Variants in PNPLA7 observed in about 807,000 individuals in gnomAD.
The protein encoded by PNPLA7 is patatin-like phospholipase domain-containing protein 7.
PNPLA7 carries 153 observed loss-of-function variants against 161.7 expected under a neutral mutation model. The observed-to-expected ratio is 0.95, with a 90% CI of 0.83 to 1.08. PNPLA7 has a LOEUF of 1.08. PNPLA7 is among the 50% of genes least tolerant of loss of function. PNPLA7 has a pLI of 0.00. For missense variants in PNPLA7, 1,739 were observed against 1,856.6 expected (o/e 0.94, Z 1.16); for synonymous variants, 809 against 782.1 (o/e 1.03, Z -0.57).
rs1832980640 is a variant in PNPLA7, at chr9:137,495,108, C to T, written c.2052G>A (p.Val684=). The T allele has an allele frequency of 3.7e-6, 6 of 1,607,490 alleles. No homozygotes were observed. The highest frequency in any genetic ancestry group is 3.3e-4 in the Middle Eastern group (2 of 6,082). Residue 684 remains valine (V), a synonymous_variant, in exon 19 of 35, where the codon GTG becomes GTA. Coordinates refer to ENST00000406427, the MANE Select transcript of PNPLA7 (RefSeq NM_001098537.3). The part of the protein sequence containing the change: ...TLTHQARATT[V]HAVRDSELAK... The stretch of plus-strand genomic sequence containing the variant: ...CCAATTCTGAGTCCCGAACGGCATG[C>T]ACCGTGGTCGCCCGGGCCTGGTGGG...
At chr9:137,546,483 G>A (rs530540035) in intron 4 of PNPLA7, among the ~76,000 whole-genome samples, 70 of 152,152 alleles carry the variant, frequency 4.6e-4, no homozygotes, top group Non-Finnish European at 7.9e-4. Flanking sequence ...GAAACCCACC[G>A]ACCCTGTGGG....
intron 20 of PNPLA7, among the ~76,000 whole-genome samples, chr9:137,485,948 G>C (rs986739497): frequency 6.6e-6 from 1 of 152,122 alleles, no homozygotes; most frequent in African/African-American, 2.4e-5. Flanking sequence ...TGGCATCTCT[G>C]CTTCCACAGA....
rs1299327607 is a variant in PNPLA7 at position 137,547,192 on chromosome 9, G to A, written c.193+117C>T. The A allele has an allele frequency of 1.9e-6, 2 of 1,053,846 alleles. No homozygotes were observed. The highest frequency in any genetic ancestry group is 2.9e-6 in the Non-Finnish European group (2 of 691,504). 65.3% of individuals were successfully genotyped at this position (1,053,846 alleles called of 1,614,324 possible). On this transcript the variant is annotated intron_variant, in intron 3 of 34. Coordinates refer to ENST00000406427, the MANE Select transcript of PNPLA7 (RefSeq NM_001098537.3). This position sits in a 1 kb window ranked among gnomAD's most constrained non-coding sequence, Gnocchi z 4.6. ...CAGCCTGAGCCCAGACGGGCCATCAGATTCTAGCCAAAGCCACCATGCGCT... is the reference window on the plus strand; with the variant it reads ...CAGCCTGAGCCCAGACGGGCCATCAAATTCTAGCCAAAGCCACCATGCGCT...
chr9:137,472,652 A>G (rs1485391240), intron 25 of PNPLA7, among the ~76,000 whole-genome samples: 1 of 139,914 alleles, frequency 7.1e-6, no homozygotes, highest in Non-Finnish European at 1.5e-5. Context: ...CTCCATCTCA[A>G]AAAAAAAAAA....
Position 137,524,547 on chromosome 9 carries a change from G to T in PNPLA7, c.748-1690C>A, listed in dbSNP as rs1204937905. On this transcript the variant is annotated intron_variant, in intron 8 of 34. Transcript: ENST00000406427. This position sits in a 1 kb window ranked among gnomAD's most constrained non-coding sequence, Gnocchi z 4.4. ...AATATGCATCTCCCAGTGTTTGCGT[G>T]GACACAGTTCTCATCCCTCTTGCTA... Among the ~76,000 whole-genome samples, 1 of 152,252 alleles carries T rather than the reference G, an allele frequency of 6.6e-6. No individual in the cohort carries two copies. Among genetic ancestry groups the T allele is most frequent in the African/African-American group, 2.4e-5 (1 of 41,470 alleles).
intron 1 of PNPLA7, among the ~76,000 whole-genome samples, chr9:137,548,680 A>G (rs986509728): frequency 1.3e-5 from 2 of 152,192 alleles, no homozygotes; most frequent in African/African-American, 2.4e-5. Flanking sequence ...CCCGGGAGGC[A>G]GAGCTTGCAG....
At position 137,491,427 on chromosome 9, in the gene PNPLA7, T is replaced by C. The variant is rs12343234; in HGVS notation, c.2197+1586A>G. Reference sequence around the variant, plus strand: ...ATTGTCAGAAGGGATGAGGAACACATGATCCAACCGGACACCTTCTACAAG... The same window carrying C: ...ATTGTCAGAAGGGATGAGGAACACACGATCCAACCGGACACCTTCTACAAG... On this transcript the variant is annotated intron_variant, in intron 20 of 34. Coordinates refer to ENST00000406427, the MANE Select transcript of PNPLA7 (RefSeq NM_001098537.3). The C allele has an allele frequency of 2.1e-3, 1,989 of 945,562 alleles. 37 individuals are homozygous for C. In the African/African-American group the frequency reaches 0.033, roughly 16 times the overall value. The allele number at this position is 945,562 out of a possible 1,614,324, so 58.6% of individuals were successfully genotyped here. A position where few individuals can be genotyped will look rare whatever the true frequency, so the allele number is the denominator to read the frequency against.
rs1476969059 is a variant in PNPLA7 at position 137,523,388 on chromosome 9, C to T, written c.748-531G>A. Among the ~76,000 whole-genome samples the T allele has an allele frequency of 6.6e-6, 1 of 152,176 alleles. No homozygotes were observed. Among genetic ancestry groups the T allele is most frequent in the East Asian group, 1.9e-4 (1 of 5,186 alleles). On this transcript the variant is annotated intron_variant, in intron 8 of 34. Transcript: ENST00000406427. The surrounding 1 kb of genome is among the most constrained non-coding windows in gnomAD (Gnocchi z 4.4). ...GTCGCACGAGGCCCAGGTGAGGAGC[C>T]ACAGTGGCTCACCGCGTGGATGTGG...
At position 137,511,179 on chromosome 9, in the gene PNPLA7, C is replaced by T. The variant is rs369687799; in HGVS notation, c.1225+4200G>A. ...GACCTTGGTCTGGCGGTAGCACCAG[C>T]GCCTGGGAAGGCACCCGTTACTTAG... On this transcript the variant is annotated intron_variant, in intron 12 of 34. Transcript: ENST00000406427. 6.2e-4 allele frequency among the ~76,000 whole-genome samples: 81 copies of T among 130,438 alleles called. 2 individuals carry two copies. The highest frequency in any genetic ancestry group is 5.7e-3 in the Admixed American group (75 of 13,090). The allele number at this position is 130,438 out of a possible 152,430, so 85.6% of individuals were successfully genotyped here.
Position 137,499,375 on chromosome 9 carries a change from C to T in PNPLA7, c.1758-1130G>A, listed in dbSNP as rs768297415. Among the ~76,000 whole-genome samples, 10 of 152,070 alleles carry T rather than the reference C, an allele frequency of 6.6e-5. No individual in the cohort carries two copies. Among genetic ancestry groups the T allele is most frequent in the South Asian group, 2.1e-4 (1 of 4,824 alleles). ...CAGACACACAGATAGACACACAGCA[C>T]GGGGGGACTGAGCTGCATTAAGGCT... is the stretch of plus-strand genomic sequence containing the variant. On this transcript the variant is annotated intron_variant, in intron 16 of 34. Transcript: ENST00000406427. This position sits in a 1 kb window ranked among gnomAD's most constrained non-coding sequence, Gnocchi z 5.5.
chr9:137,483,208 C>T (rs574025262), intron 21 of PNPLA7, among the ~76,000 whole-genome samples: 3 of 152,124 alleles, frequency 2.0e-5, no homozygotes, highest in Admixed American at 6.5e-5. Context: ...ATTTATGTGA[C>T]GTGGGACAGC....
chr9:137,470,479 G>A (rs377309248), intron 25 of PNPLA7, among the ~76,000 whole-genome samples: 1 of 151,964 alleles, frequency 6.6e-6, no homozygotes, highest in Non-Finnish European at 1.5e-5. Context: ...TCCCAGCAGC[G>A]AGCTGTGATC....
rs1008784656 is a variant in PNPLA7 at position 137,543,871 on chromosome 9, T to C, written c.274-56A>G. ...ACCCTGCAAGCCGCAAGGTCCAAGC[T>C]CTTTGCCATGGGGATCAGTCCTCAG... On this transcript the variant is annotated intron_variant, in intron 4 of 34. Coordinates refer to ENST00000406427, the MANE Select transcript of PNPLA7 (RefSeq NM_001098537.3). This position sits in a 1 kb window ranked among gnomAD's most constrained non-coding sequence, Gnocchi z 6.9. The C allele has an allele frequency of 5.5e-5, 81 of 1,465,646 alleles. No individual in the cohort carries two copies. Among genetic ancestry groups the C allele is most frequent in the Non-Finnish European group, 6.7e-5 (70 of 1,046,154 alleles). The allele number at this position is 1,465,646 out of a possible 1,614,324, so 90.8% of individuals were successfully genotyped here.
intron 4 of PNPLA7, among the ~76,000 whole-genome samples, chr9:137,544,706 C>T (rs533492422): frequency 5.3e-5 from 8 of 152,252 alleles, no homozygotes; most frequent in South Asian, 4.1e-4. Flanking sequence ...TGCAATGGCA[C>T]GATCTCGACT....
chr9:137,481,153 G>C (rs933913253), intron 21 of PNPLA7, 130 bp from the exon 22 acceptor site: 87 of 942,812 alleles, frequency 9.2e-5, no homozygotes, highest in Non-Finnish European at 2.3e-5. Flanking sequence ...CAAGGAGGAG[G>C]AAGGCAGTGA....
intron 8 of PNPLA7, among the ~76,000 whole-genome samples, chr9:137,534,817 G>A (rs1248290231): frequency 4.6e-5 from 7 of 151,922 alleles, no homozygotes; most frequent in Non-Finnish European, 7.4e-5. Flanking sequence ...TCCCCGGGTC[G>A]ATACCCAACC....
At chr9:137,475,163 T>C (rs1224251961) in intron 25 of PNPLA7, among the ~76,000 whole-genome samples, 2 of 151,830 alleles carry the variant, frequency 1.3e-5, no homozygotes, top group African/African-American at 2.4e-5. Flanking sequence ...CCAGTGTCAG[T>C]GGATGCAAAA....
intron 21 of PNPLA7, among the ~76,000 whole-genome samples, chr9:137,482,965 C>T (rs1019136069): frequency 6.6e-6 from 1 of 152,088 alleles, no homozygotes; most frequent in Non-Finnish European, 1.5e-5. Flanking sequence ...CTCCACTTCC[C>T]GGGGTCAAGC....
At position 137,478,106 on chromosome 9, in the gene PNPLA7, G is replaced by A; in HGVS notation, c.2810C>T (p.Ser937Leu). ...HVFQRPPDRH[S>L]DFSRLARVLT... ...CACCCTCGCCAGGCGGGAGAAGTCTGAGTGTCGGTCCGGGGGCCGCTGGAA... is the reference window on the plus strand; with the variant it reads ...CACCCTCGCCAGGCGGGAGAAGTCTAAGTGTCGGTCCGGGGGCCGCTGGAA... The change falls in exon 25 of 35, where the codon TCA becomes TTA. Residue 937 changes from serine (S) to leucine (L), a missense_variant. Ser to Leu is a moderately radical substitution (Grantham distance 145). Around this residue, in one of 6 missense-constraint regions of PNPLA7, gnomAD observed 703 missense variants for 694.6 expected, o/e 1.01. Coordinates refer to ENST00000406427, the MANE Select transcript of PNPLA7 (RefSeq NM_001098537.3). The A allele has an allele frequency of 7.3e-7, 1 of 1,364,498 alleles. No individual in the cohort carries two copies. The highest frequency in any genetic ancestry group is 1.9e-5 in the South Asian group (1 of 53,934). The allele number at this position is 1,364,498 out of a possible 1,614,324, so 84.5% of individuals were successfully genotyped here. A position where few individuals can be genotyped will look rare whatever the true frequency, so the allele number is the denominator to read the frequency against.
Sources: allele counts gnomAD v4.1 joint callset (sites outside exome capture counted in the v4.1 genomes callset), GRCh38; gene constraint gnomAD v4.1.1; regional missense constraint gnomAD v4.1.1; non-coding constraint Gnocchi (gnomAD v3.1); transcripts MANE v1.5; gene names NCBI Gene and HGNC (gene_info 2026-07-23, HGNC 2026-07-21).